Variants in TACC2 observed in about 807,000 individuals in gnomAD.
TACC2 encodes transforming acidic coiled-coil-containing protein 2.
In TACC2, 137 loss-of-function variants were observed where a neutral mutation model predicts 227.3. That is an observed-to-expected ratio of 0.60 (90% CI 0.52 to 0.69). TACC2 has a LOEUF of 0.69. Among genes scored for constraint, TACC2 ranks in the 30% least tolerant of loss-of-function variants. TACC2 has a pLI of 0.00. For synonymous variants in TACC2, 1,523 were observed against 1,487.5 expected (o/e 1.02, Z -0.55); for missense variants, 3,470 against 3,694.4 (o/e 0.94, Z 1.57).
Position 122,086,701 on chromosome 10 carries a change from A to T in TACC2, c.4201A>T (p.Thr1401Ser). 6.2e-7 allele frequency: 1 copy of T among 1,613,894 alleles called. No homozygotes were observed. Among genetic ancestry groups the T allele is most frequent in the Middle Eastern group, 1.7e-4 (1 of 6,060 alleles). Residue 1401 changes from threonine to serine, a missense_variant, in exon 4 of 23, where the codon ACC (threonine) becomes TCC (serine). Around this residue, in one of 10 missense-constraint regions of TACC2, gnomAD observed 1,924 missense variants for 1,978.3 expected, o/e 0.97. Coordinates refer to ENST00000369005, the MANE Select transcript of TACC2 (RefSeq NM_206862.4). ...GGACACAAGCTCTGAGCAAATCGCC[A>T]CCCTCACTGGCTTCCCAGACTTCAG... ...GVDTSSEQIATLTGFPDFREH... is the reference protein window; with the variant it reads ...GVDTSSEQIASLTGFPDFREH...
intron 6 of TACC2, among the ~76,000 whole-genome samples, chr10:122,139,015 C>T (rs2090124554): frequency 6.6e-6 from 1 of 152,232 alleles, no homozygotes; most frequent in Non-Finnish European, 1.5e-5. Context: ...AATCTTGCCC[C>T]TGGGCCCGCA....
chr10:122,184,802 G>T (rs971820187), intron 7 of TACC2, among the ~76,000 whole-genome samples: 6 of 151,798 alleles, frequency 4.0e-5, no homozygotes, highest in East Asian at 1.9e-4. Flanking sequence ...AATTTGCTGG[G>T]TTTTTTTTCC....
chr10:122,055,386 AG>A (rs2076128421), intron 3 of TACC2, among the ~76,000 whole-genome samples: 1 of 152,230 alleles, frequency 6.6e-6, no homozygotes, highest in Admixed American at 6.5e-5. Flanking sequence ...GCCATAAAAA[AG>A]AACGAGATCA....
intron 11 of TACC2, among the ~76,000 whole-genome samples, chr10:122,224,460 G>T (rs1029690296): frequency 6.6e-6 from 1 of 152,154 alleles, no homozygotes; most frequent in African/African-American, 2.4e-5. Context: ...GTGCTTGGTC[G>T]TGCCATGGAA....
intron 16 of TACC2, 124 bp from the exon 17 acceptor site, chr10:122,237,264 CTTTCTCA>C (rs2095874890): frequency 5.5e-6 from 5 of 905,070 alleles, no homozygotes; most frequent in African/African-American, 1.7e-5. Flanking sequence ...AGTCTTTGCA[CTTTCTCA>C]TACTTTTGAT....
intron 1 of TACC2, among the ~76,000 whole-genome samples, chr10:122,009,246 C>A (rs1269794664): frequency 2.6e-5 from 4 of 152,148 alleles, no homozygotes; most frequent in African/African-American, 9.7e-5. Context: ...TTTTTCCTTT[C>A]TCATTGTTTT....
At chr10:122,001,589 C>A (rs1565035911) in intron 1 of TACC2, among the ~76,000 whole-genome samples, 2 of 152,182 alleles carry the variant, frequency 1.3e-5, no homozygotes, top group Non-Finnish European at 2.9e-5. Flanking sequence ...AAGTGTATAA[C>A]CACAGTATCC....
At chr10:122,183,805 G>A (rs147075462) in intron 7 of TACC2, among the ~76,000 whole-genome samples, 13 of 152,280 alleles carry the variant, frequency 8.5e-5, no homozygotes, top group East Asian at 7.7e-4. Flanking sequence ...AGACACGTAT[G>A]CCTGTCTTGG....
chr10:122,055,373 G>A (rs2136286379), intron 3 of TACC2, among the ~76,000 whole-genome samples: 1 of 152,336 alleles, frequency 6.6e-6, no homozygotes, highest in Middle Eastern at 3.4e-3. Context: ...TGGCAGATAT[G>A]CAGCCATAAA....
In TACC2 at chr10:122,009,137, A is replaced by G. The variant is rs569679717; in HGVS notation, c.-45-12800A>G. The stretch of plus-strand genomic sequence containing the variant: ...CATGAGAAAAATCCAGGATTTTCTG[A>G]CTTTCCTCTTTTTATTTACAGTTTT... On this transcript the variant is annotated intron_variant, in intron 1 of 22. Transcript: ENST00000369005. 6.6e-5 allele frequency among the ~76,000 whole-genome samples: 10 copies of G among 152,292 alleles called. No homozygotes were observed. In the South Asian group the frequency reaches 2.1e-3, roughly 32 times the overall value.
intron 3 of TACC2, among the ~76,000 whole-genome samples, chr10:122,059,504 T>C (rs1460088000): frequency 6.6e-6 from 1 of 152,170 alleles, no homozygotes; most frequent in Non-Finnish European, 1.5e-5. Flanking sequence ...AGCTAACTTT[T>C]GTTTGCGCTT....
At chr10:121,990,890 C>T (rs373746181) in intron 1 of TACC2, among the ~76,000 whole-genome samples, 3 of 152,198 alleles carry the variant, frequency 2.0e-5, no homozygotes, top group East Asian at 1.9e-4. Flanking sequence ...CAGGTTCACT[C>T]GATTCTCCTG....
chr10:122,231,897 A>G (rs2095757419), intron 16 of TACC2, among the ~76,000 whole-genome samples: 1 of 152,262 alleles, frequency 6.6e-6, no homozygotes, highest in African/African-American at 2.4e-5. Flanking sequence ...GTAACAGCTC[A>G]TCTGCAGGGG....
intron 6 of TACC2, among the ~76,000 whole-genome samples, chr10:122,139,659 CG>C (rs2090246230): frequency 6.6e-6 from 1 of 152,218 alleles, no homozygotes; most frequent in African/African-American, 2.4e-5. Context: ...CCTGAGTCTT[CG>C]GCCTTAACGC....
intron 3 of TACC2, among the ~76,000 whole-genome samples, chr10:122,060,788 T>G (rs2076702844): frequency 6.7e-6 from 1 of 148,904 alleles, no homozygotes; most frequent in Admixed American, 6.7e-5. Context: ...GCGGATCACC[T>G]GAGGTCAGGA....
At chr10:122,179,042 C>A (rs2093861114) in intron 7 of TACC2, among the ~76,000 whole-genome samples, 1 of 152,174 alleles carries the variant, frequency 6.6e-6, no homozygotes, top group Non-Finnish European at 1.5e-5. Context: ...AACACCTTGC[C>A]ATGAAAGTAA....
chr10:122,176,095 C>G (rs2093685846), intron 7 of TACC2, among the ~76,000 whole-genome samples: 1 of 83,612 alleles, frequency 1.2e-5, no homozygotes, highest in African/African-American at 5.9e-5. Context: ...CTCTCTCTCT[C>G]TCTCTCTCTC....
chr10:122,203,419 ACC>A (rs1390845581), intron 8 of TACC2, among the ~76,000 whole-genome samples: 1 of 135,418 alleles, frequency 7.4e-6, no homozygotes, highest in South Asian at 2.4e-4. Context: ...CGGGCGGCTG[ACC>A]CCCCCACCTC....
chr10:122,009,010 G>A (rs943789893), intron 1 of TACC2, among the ~76,000 whole-genome samples: 2 of 152,164 alleles, frequency 1.3e-5, no homozygotes, highest in African/African-American at 4.8e-5. Context: ...GACCAATGTA[G>A]GCCCTTTTCA....
Sources: gnomAD v4.1 joint callset for allele counts (sites outside exome capture counted in the v4.1 genomes callset) on GRCh38, gnomAD v4.1.1 for gene constraint, gnomAD v4.1.1 regional missense constraint, MANE v1.5 for transcripts, NCBI Gene and HGNC (gene_info 2026-07-23, HGNC 2026-07-21) for gene names.